PDE4D: variants seen among roughly 807,000 people sequenced by gnomAD.
PDE4D encodes 3',5'-cyclic-AMP phosphodiesterase 4D.
A neutral mutation model predicts 87.4 loss-of-function variants in PDE4D; 24 were observed. The ratio of observed to expected loss-of-function variants is 0.27; its 90% CI spans 0.20 to 0.39. The LOEUF (loss-of-function observed/expected upper bound fraction) is 0.39. PDE4D is among the 10% of genes least tolerant of loss of function. PDE4D has a pLI of 1.00. For missense variants in PDE4D, 714 were observed against 1,041.0 expected (o/e 0.69, Z 4.32); for synonymous variants, 384 against 383.2 (o/e 1.00, Z -0.02).
At chr5:60,481,345 A>G (rs1288452418) in intron 1 of PDE4D, among the ~76,000 whole-genome samples, 3 of 152,148 alleles carry the variant, frequency 2.0e-5, no homozygotes, top group Non-Finnish European at 4.4e-5. Context: ...AAAATTGTTT[A>G]CTGAGAGGTA....
chr5:59,625,855 C>A lies in PDE4D; in HGVS notation c.455+267313G>T, dbSNP rs298047. The stretch of plus-strand genomic sequence containing the variant: ...CAGCACTTTGGGAGGCTGAGGCGGG[C>A]GGATCACAAGATCAGGAGATTGAGA... On this transcript the variant is annotated intron_variant, in intron 1 of 14. Transcript: ENST00000340635. Among the ~76,000 whole-genome samples the A allele has an allele frequency of 1.3e-5, 2 of 151,954 alleles. 1 individual carries two copies. Among genetic ancestry groups the A allele is most frequent in the African/African-American group, 4.8e-5 (2 of 41,332 alleles).
intron 2 of PDE4D, among the ~76,000 whole-genome samples, chr5:60,147,377 G>A (rs985779931): frequency 6.6e-6 from 1 of 152,016 alleles, no homozygotes; most frequent in African/African-American, 2.4e-5. Context: ...CGGTGAATGG[G>A]CCACGCTGCA....
At chr5:59,855,294 C>A (rs534464769) in intron 1 of PDE4D, among the ~76,000 whole-genome samples, 1 of 152,266 alleles carries the variant, frequency 6.6e-6, no homozygotes, top group African/African-American at 2.4e-5. Flanking sequence ...TGTGCTTGTA[C>A]TTTTAACAAG....
At chr5:59,690,029 C>T (rs1337835135) in intron 1 of PDE4D, among the ~76,000 whole-genome samples, 1 of 152,104 alleles carries the variant, frequency 6.6e-6, no homozygotes, top group Admixed American at 6.6e-5. Context: ...AGGACCTCTT[C>T]AAGGAGAATT....
chr5:59,587,327 CTTTT>C, intron 1 of PDE4D: 1 of 540,032 alleles, frequency 1.9e-6, no homozygotes, highest in Non-Finnish European at 2.4e-6. Flanking sequence ...CGATGTCTTT[CTTTT>C]CTTTTTTTTC....
intron 1 of PDE4D, among the ~76,000 whole-genome samples, chr5:59,243,448 CTTTTTTTTTTT>C (rs767287011): frequency 3.2e-4 from 23 of 72,304 alleles, no homozygotes; most frequent in South Asian, 9.6e-4. Flanking sequence ...TTAAAATAAC[CTTTTTTTTTTT>C]TTTTTTTTTT....
chr5:59,344,800 T>A (rs1188974985), intron 1 of PDE4D, among the ~76,000 whole-genome samples: 2 of 152,216 alleles, frequency 1.3e-5, no homozygotes, highest in African/African-American at 4.8e-5. Flanking sequence ...GATATTGCTC[T>A]AATGTTTACT....
intron 2 of PDE4D, among the ~76,000 whole-genome samples, chr5:60,040,540 T>C (rs1215333013): frequency 1.3e-5 from 2 of 152,202 alleles, no homozygotes; most frequent in Admixed American, 6.5e-5. Flanking sequence ...ATTTTGGTTA[T>C]ATACAACCAT....
chr5:59,168,663 GA>G (rs1189350360), intron 5 of PDE4D, among the ~76,000 whole-genome samples: 26 of 150,684 alleles, frequency 1.7e-4, no homozygotes, highest in Non-Finnish European at 4.4e-5. Context: ...GTTCTCAAAA[GA>G]AAAAAGAAAA....
chr5:59,040,985 A>G (rs1281259391), intron 5 of PDE4D, among the ~76,000 whole-genome samples: 1 of 152,182 alleles, frequency 6.6e-6, no homozygotes, highest in Non-Finnish European at 1.5e-5. Context: ...TGTTATCAAG[A>G]ATACTTGAAC....
At chr5:59,753,071 G>T (rs1350535404) in intron 1 of PDE4D, among the ~76,000 whole-genome samples, 2 of 152,088 alleles carry the variant, frequency 1.3e-5, no homozygotes, top group African/African-American at 4.8e-5. Flanking sequence ...GAGACCATAG[G>T]GTCCGCAAAG....
At chr5:60,130,306 A>T (rs1486031809) in intron 2 of PDE4D, among the ~76,000 whole-genome samples, 2 of 152,184 alleles carry the variant, frequency 1.3e-5, no homozygotes, top group East Asian at 3.9e-4. Context: ...TATTCTAGAG[A>T]TTACCAAATA....
chr5:60,029,549 G>T (rs1766994443), intron 2 of PDE4D, among the ~76,000 whole-genome samples: 1 of 152,088 alleles, frequency 6.6e-6, no homozygotes, highest in Admixed American at 6.6e-5. Context: ...ACTAAGCTAT[G>T]CCCTAACCAC....
At chr5:59,931,532 T>C (rs1295562747) in intron 3 of PDE4D, among the ~76,000 whole-genome samples, 1 of 152,140 alleles carries the variant, frequency 6.6e-6, no homozygotes, top group African/African-American at 2.4e-5. Flanking sequence ...GCAAGGGGAC[T>C]GAGCATGCCA....
At chr5:59,439,741 TGCCATGGAGCCCTTGGG>T in intron 1 of PDE4D, among the ~76,000 whole-genome samples, 1 of 150,692 alleles carries the variant, frequency 6.6e-6, no homozygotes, top group East Asian at 2.3e-4. Flanking sequence ...ACTGCTTTGC[TGCCATGGAGCCCTTGGG>T]GTTGGGATAT....
At chr5:59,264,681 C>T (rs926371093) in intron 1 of PDE4D, among the ~76,000 whole-genome samples, 1 of 152,112 alleles carries the variant, frequency 6.6e-6, no homozygotes, top group Non-Finnish European at 1.5e-5. Context: ...ATCCAATGTG[C>T]AGTTGTTAAT....
chr5:59,020,635 C>T (rs376675231), intron 6 of PDE4D, among the ~76,000 whole-genome samples: 4 of 151,858 alleles, frequency 2.6e-5, no homozygotes, highest in African/African-American at 7.2e-5. Context: ...ACCAGTTGAT[C>T]TCACAAATCT....
chr5:59,799,217 C>T lies in PDE4D; in HGVS notation c.455+93951G>A, dbSNP rs576121762. ...CCAGCCCCTGCACTGTGCAAGTGAACAGTTTCATTGACAACTTTGGGGTCT... is the reference window on the plus strand; with the variant it reads ...CCAGCCCCTGCACTGTGCAAGTGAATAGTTTCATTGACAACTTTGGGGTCT... On this transcript the variant is annotated intron_variant, in intron 1 of 14. Transcript: ENST00000340635. Among the ~76,000 whole-genome samples the T allele has an allele frequency of 6.6e-5, 10 of 152,320 alleles. 1 individual carries two copies. Among genetic ancestry groups the T allele is most frequent in the Admixed American group, 4.6e-4 (7 of 15,300 alleles).
At chr5:60,104,713 G>T (rs1236669856) in intron 2 of PDE4D, among the ~76,000 whole-genome samples, 10 of 152,174 alleles carry the variant, frequency 6.6e-5, no homozygotes, top group Admixed American at 6.5e-4. Flanking sequence ...ACGAAAATCC[G>T]CTGTTCTGCA....
Sources: allele counts gnomAD v4.1 joint callset (sites outside exome capture counted in the v4.1 genomes callset), GRCh38; gene constraint gnomAD v4.1.1; transcripts MANE v1.5; gene names NCBI Gene and HGNC (gene_info 2026-07-23, HGNC 2026-07-21).